CNTN4: variants seen among roughly 807,000 people sequenced by gnomAD.
CNTN4 encodes the protein contactin 4, also known as contactin-4.
Under a neutral mutation model 122.5 loss-of-function variants are expected in CNTN4, and 77 were observed. The observed-to-expected ratio is 0.63, with a 90% CI of 0.52 to 0.76. The LOEUF (loss-of-function observed/expected upper bound fraction) is 0.76, where lower values mean the gene tolerates loss of function less well. CNTN4 is among the 30% of genes least tolerant of loss of function. CNTN4 has a pLI of 0.00. For synonymous variants in CNTN4, 512 were observed against 447.0 expected (o/e 1.15, Z -1.83); for missense variants, 1,256 against 1,259.1 (o/e 1.00, Z 0.04).
At chr3:2,253,531 T>C (rs2040456633) in intron 2 of CNTN4, among the ~76,000 whole-genome samples, 1 of 152,216 alleles carries the variant, frequency 6.6e-6, no homozygotes, top group South Asian at 2.1e-4. Context: ...CTGACTAATT[T>C]TTCTTAATTA....
intron 3 of CNTN4, among the ~76,000 whole-genome samples, chr3:2,366,316 C>T (rs940277243): frequency 9.9e-5 from 15 of 152,156 alleles, no homozygotes; most frequent in African/African-American, 3.6e-4. Flanking sequence ...TAAGTAAAGT[C>T]TTTTTATAAG....
intron 4 of CNTN4, among the ~76,000 whole-genome samples, chr3:2,655,106 A>G (rs2083527818): frequency 2.0e-5 from 3 of 152,314 alleles, no homozygotes; most frequent in South Asian, 4.1e-4. Flanking sequence ...GTCCCACCCT[A>G]TAAGTGATAT....
chr3:2,524,216 T>C (rs542150466), intron 3 of CNTN4, among the ~76,000 whole-genome samples: 7 of 152,234 alleles, frequency 4.6e-5, no homozygotes, highest in Non-Finnish European at 7.4e-5. Flanking sequence ...GGATGTTTTA[T>C]ATAAATGGAA....
At chr3:2,790,642 T>C (rs2149966800) in intron 6 of CNTN4, among the ~76,000 whole-genome samples, 1 of 152,258 alleles carries the variant, frequency 6.6e-6, no homozygotes, top group East Asian at 1.9e-4. Flanking sequence ...TTATTTTCTG[T>C]GAGTGTTGCA....
intron 3 of CNTN4, among the ~76,000 whole-genome samples, chr3:2,486,156 C>A (rs1191430997): frequency 1.3e-5 from 2 of 152,104 alleles, no homozygotes; most frequent in Admixed American, 6.6e-5. Flanking sequence ...CTGTAACACT[C>A]ACTGCGAAGG....
At chr3:2,882,640 C>T (rs1056464404) in intron 8 of CNTN4, 1 of 161,880 alleles carries the variant, frequency 6.2e-6, no homozygotes, top group Non-Finnish European at 1.4e-5. Flanking sequence ...CTTGAATATA[C>T]TAATTTATGA....
intron 13 of CNTN4, among the ~76,000 whole-genome samples, chr3:2,948,437 G>C (rs1370391307): frequency 3.9e-5 from 6 of 152,212 alleles, no homozygotes; most frequent in Non-Finnish European, 8.8e-5. Context: ...TGAGAGGCAA[G>C]TGGTGGTGGT....
chr3:2,145,370 CTG>C (rs2035195473), intron 2 of CNTN4, among the ~76,000 whole-genome samples: 1 of 152,200 alleles, frequency 6.6e-6, no homozygotes, highest in Non-Finnish European at 1.5e-5. Flanking sequence ...CCTAGCAACT[CTG>C]GCCTTGTCAC....
At chr3:2,816,349 A>G (rs139566873) in intron 6 of CNTN4, among the ~76,000 whole-genome samples, 5,451 of 146,056 alleles carry the variant, frequency 0.037, 538 homozygotes, top group African/African-American at 0.14. Flanking sequence ...GCGAGACTCC[A>G]TCTCAAAAAA....
At chr3:2,161,086 C>G (rs1256065362) in intron 2 of CNTN4, among the ~76,000 whole-genome samples, 1 of 151,986 alleles carries the variant, frequency 6.6e-6, no homozygotes, top group Non-Finnish European at 1.5e-5. Context: ...ACAAGTAGGT[C>G]TTAGCTAGGC....
intron 4 of CNTN4, among the ~76,000 whole-genome samples, chr3:2,632,171 AT>A (rs2082473507): frequency 6.6e-6 from 1 of 151,934 alleles, no homozygotes; most frequent in African/African-American, 2.4e-5. Flanking sequence ...CAGAGACTGT[AT>A]TTTTCTAATT....
chr3:2,265,110 T>A (rs1053344645), intron 2 of CNTN4, among the ~76,000 whole-genome samples: 30 of 152,094 alleles, frequency 2.0e-4, no homozygotes, highest in African/African-American at 7.0e-4. Flanking sequence ...GAACATACCA[T>A]GTTTGGTTTT....
intron 2 of CNTN4, among the ~76,000 whole-genome samples, chr3:2,173,299 A>G (rs925595378): frequency 6.6e-6 from 1 of 152,174 alleles, no homozygotes; most frequent in Non-Finnish European, 1.5e-5. Flanking sequence ...TAGGGATGGT[A>G]CTAGCCGGTT....
At chr3:2,225,855 C>G (rs893134543) in intron 2 of CNTN4, among the ~76,000 whole-genome samples, 2 of 152,130 alleles carry the variant, frequency 1.3e-5, no homozygotes, top group African/African-American at 2.4e-5. Flanking sequence ...TTATGGGTCT[C>G]TCCTTTTAGG....
intron 13 of CNTN4, among the ~76,000 whole-genome samples, chr3:2,979,262 T>C (rs1693727573): frequency 6.6e-6 from 1 of 152,012 alleles, no homozygotes. Context: ...CCTAAGCACA[T>C]AGTTAGATGA....
At chr3:2,196,871 C>G (rs1460319151) in intron 2 of CNTN4, among the ~76,000 whole-genome samples, 1 of 151,664 alleles carries the variant, frequency 6.6e-6, no homozygotes, top group Admixed American at 6.6e-5. Context: ...ATGGAGAAAC[C>G]TCGTCTCTAC....
At chr3:2,499,133 C>T (rs192313629) in intron 3 of CNTN4, among the ~76,000 whole-genome samples, 1 of 152,236 alleles carries the variant, frequency 6.6e-6, no homozygotes, top group Non-Finnish European at 1.5e-5. Flanking sequence ...TTGCCTAACC[C>T]TAGATCTTGA....
intron 3 of CNTN4, among the ~76,000 whole-genome samples, chr3:2,351,560 C>G (rs1013142905): frequency 6.6e-6 from 1 of 152,160 alleles, no homozygotes; most frequent in Admixed American, 6.5e-5. Flanking sequence ...TCACTTATCC[C>G]CCTTTATCTG....
intron 3 of CNTN4, among the ~76,000 whole-genome samples, chr3:2,414,782 A>C (rs907892205): frequency 2.0e-5 from 3 of 152,194 alleles, no homozygotes; most frequent in Admixed American, 2.0e-4. Context: ...TATTTTTATA[A>C]AGCCACCATT....
Sources: allele counts gnomAD v4.1 joint callset (sites outside exome capture counted in the v4.1 genomes callset), GRCh38; gene constraint gnomAD v4.1.1; transcripts MANE v1.5; gene names NCBI Gene and HGNC (gene_info 2026-07-23, HGNC 2026-07-21).